The following CYTH3 variants were observed in gnomAD, a reference collection of about 807,000 sequenced individuals.
The protein encoded by CYTH3 is cytohesin 3, also known as cytohesin-3.
In CYTH3, 23 loss-of-function variants were observed where a neutral mutation model predicts 55.1. The observed-to-expected ratio is 0.42, with a 90% CI of 0.30 to 0.59. CYTH3 has a LOEUF of 0.59. Ranked by LOEUF, CYTH3 falls within the 20% of genes least tolerant of loss-of-function variation. CYTH3 has a pLI of 0.20. For synonymous variants in CYTH3, 249 were observed against 194.9 expected (o/e 1.28, Z -2.31); for missense variants, 413 against 524.8 (o/e 0.79, Z 2.08).
At chr7:6,185,938 G>T (rs1304749567) in intron 4 of CYTH3, among the ~76,000 whole-genome samples, 1 of 151,750 alleles carries the variant, frequency 6.6e-6, no homozygotes, top group African/African-American at 2.4e-5. Context: ...AAAGCAAGGG[G>T]AACGTTAGAA....
intron 1 of CYTH3, among the ~76,000 whole-genome samples, chr7:6,201,878 G>A (rs1338965124): frequency 6.6e-6 from 1 of 151,946 alleles, no homozygotes; most frequent in Admixed American, 6.6e-5. Context: ...ATTAAAACTG[G>A]AATGAGAAAA....
chr7:6,207,992 G>A (rs1229128219), intron 1 of CYTH3, among the ~76,000 whole-genome samples: 29 of 152,142 alleles, frequency 1.9e-4, no homozygotes, highest in Non-Finnish European at 1.5e-5. Context: ...TAAAAAAAAC[G>A]ATTAATAACT....
At chr7:6,183,642 G>C (rs1783560310) in intron 4 of CYTH3, among the ~76,000 whole-genome samples, 1 of 152,176 alleles carries the variant, frequency 6.6e-6, no homozygotes, top group East Asian at 1.9e-4. Context: ...TAGTGTTACA[G>C]GTTTAATAGG....
chr7:6,244,372 T>C (rs1779752615), intron 1 of CYTH3, among the ~76,000 whole-genome samples: 1 of 152,282 alleles, frequency 6.6e-6, no homozygotes, highest in Non-Finnish European at 1.5e-5. Flanking sequence ...TAATTGCTTT[T>C]AGAATGCTTT....
At chr7:6,245,663 G>C (rs551609166) in intron 1 of CYTH3, among the ~76,000 whole-genome samples, 1 of 152,218 alleles carries the variant, frequency 6.6e-6, no homozygotes, top group Admixed American at 6.5e-5. Context: ...CCAGCACTTC[G>C]GGAGGCCGAG....
Position 6,170,784 on chromosome 7 carries a change from C to G in CYTH3, c.711+46G>C. The G allele has an allele frequency of 6.3e-7, 1 of 1,589,098 alleles. No homozygotes were observed. Among genetic ancestry groups the G allele is most frequent in the Non-Finnish European group, 8.6e-7 (1 of 1,167,406 alleles). On this transcript the variant is annotated intron_variant, in intron 8 of 12. Coordinates refer to ENST00000350796, the MANE Select transcript of CYTH3 (RefSeq NM_004227.4). The surrounding 1 kb of genome is among the most constrained non-coding windows in gnomAD (Gnocchi z 7.8). ...CCGCGGGCGCTGCGGCCGCTCACAGCGAAGAGATCCTGCAGACGGCAGCGG... is the reference window on the plus strand; with the variant it reads ...CCGCGGGCGCTGCGGCCGCTCACAGGGAAGAGATCCTGCAGACGGCAGCGG...
intron 1 of CYTH3, among the ~76,000 whole-genome samples, chr7:6,262,052 A>G (rs891615586): frequency 2.6e-5 from 4 of 152,232 alleles, no homozygotes; most frequent in Admixed American, 6.5e-5. Flanking sequence ...ACAATAATGG[A>G]AATTAGGAAC....
intron 1 of CYTH3, among the ~76,000 whole-genome samples, chr7:6,236,773 G>A (rs1045636262): frequency 8.6e-5 from 13 of 152,004 alleles, no homozygotes; most frequent in Non-Finnish European, 1.3e-4. Context: ...ATGTTGGCTA[G>A]GCTGGTCTTG....
chr7:6,179,714 C>A (rs1219010223), intron 4 of CYTH3, among the ~76,000 whole-genome samples: 1 of 103,362 alleles, frequency 9.7e-6, no homozygotes, highest in African/African-American at 4.2e-5. Flanking sequence ...CACACACACC[C>A]CACACACCAC....
intron 1 of CYTH3, among the ~76,000 whole-genome samples, chr7:6,235,108 C>T (rs1035924986): frequency 6.6e-6 from 1 of 152,198 alleles, no homozygotes; most frequent in African/African-American, 2.4e-5. Context: ...TTCCTCCTCA[C>T]AGAATGCCTG....
At chr7:6,175,176 C>G (rs180978555) in intron 5 of CYTH3, among the ~76,000 whole-genome samples, 15 of 152,060 alleles carry the variant, frequency 9.9e-5, no homozygotes, top group African/African-American at 3.6e-4. Context: ...ACTATGTTAC[C>G]CAGGATGGCC....
rs60634853 is a variant in CYTH3, at chr7:6,184,049, C to CTTTTTTTTTTTTTTTTTTT, written c.249+2982_249+3000dup. On this transcript the variant is annotated intron_variant, in intron 4 of 12. Coordinates refer to ENST00000350796, the MANE Select transcript of CYTH3 (RefSeq NM_004227.4). ...CATTGTTTACGCACCCCCTCTGTGG[C>CTTTTTTTTTTTTTTTTTTT]TTTTTTTTTTTTTTTTTTTTTTTTT... Among the ~76,000 whole-genome samples the CTTTTTTTTTTTTTTTTTTT allele has an allele frequency of 8.6e-5, 4 of 46,376 alleles. 2 individuals are homozygous for CTTTTTTTTTTTTTTTTTTT. Among genetic ancestry groups the CTTTTTTTTTTTTTTTTTTT allele is most frequent in the Non-Finnish European group, 7.7e-5 (2 of 25,914 alleles). 30.4% of individuals were successfully genotyped at this position (46,376 alleles called of 152,430 possible).
chr7:6,264,987 A>G (rs1270171140), intron 1 of CYTH3, among the ~76,000 whole-genome samples: 1 of 152,222 alleles, frequency 6.6e-6, no homozygotes, highest in Non-Finnish European at 1.5e-5. Context: ...TGATAAGGAA[A>G]CATTTGAGCA....
chr7:6,162,178 A>G lies in CYTH3; in HGVS notation c.*2766T>C, dbSNP rs1448551409. On this transcript the variant is annotated 3_prime_UTR_variant, in exon 13 of 13. Coordinates refer to ENST00000350796, the MANE Select transcript of CYTH3 (RefSeq NM_004227.4). ...CCTATTTTCAGTTTGGTACCACATTAAACTGCCCCAAAATGTTCTGTGACC... is the reference window on the plus strand; with the variant it reads ...CCTATTTTCAGTTTGGTACCACATTGAACTGCCCCAAAATGTTCTGTGACC... 6.6e-6 allele frequency: 1 copy of G among 152,558 alleles called. No homozygotes were observed. The highest frequency in any genetic ancestry group is 6.5e-5 in the Admixed American group (1 of 15,280). The allele number at this position is 152,558 out of a possible 1,614,324, so 9.5% of individuals were successfully genotyped here.
At chr7:6,265,919 A>G (rs1002947735) in intron 1 of CYTH3, among the ~76,000 whole-genome samples, 26 of 152,166 alleles carry the variant, frequency 1.7e-4, no homozygotes, top group African/African-American at 6.0e-4. Flanking sequence ...GAGACTTACC[A>G]GTAATGCTTT....
chr7:6,224,184 A>G (rs1298126650), intron 1 of CYTH3, among the ~76,000 whole-genome samples: 4 of 152,164 alleles, frequency 2.6e-5, no homozygotes, highest in Non-Finnish European at 5.9e-5. Context: ...TGCCTGGTTA[A>G]TTCTGCTTCT....
At chr7:6,240,135 G>C (rs540070278) in intron 1 of CYTH3, among the ~76,000 whole-genome samples, 6 of 151,992 alleles carry the variant, frequency 3.9e-5, no homozygotes, top group African/African-American at 7.2e-5. Context: ...GTGAAACCTC[G>C]TCTCTACTAA....
chr7:6,195,471 T>C (rs1014294167), intron 1 of CYTH3, among the ~76,000 whole-genome samples: 22 of 152,208 alleles, frequency 1.4e-4, no homozygotes, highest in Admixed American at 1.1e-3. Context: ...TTTTATTTTT[T>C]TGAGACGGCG....
intron 1 of CYTH3, among the ~76,000 whole-genome samples, chr7:6,211,743 A>T (rs1024236054): frequency 1.3e-5 from 2 of 152,150 alleles, no homozygotes; most frequent in Non-Finnish European, 2.9e-5. Flanking sequence ...CATGCCTGTA[A>T]TCCTAGCACT....
Sources: gnomAD v4.1 joint callset for allele counts (sites outside exome capture counted in the v4.1 genomes callset) on GRCh38, gnomAD v4.1.1 for gene constraint, Gnocchi (gnomAD v3.1) non-coding constraint, MANE v1.5 for transcripts, NCBI Gene and HGNC (gene_info 2026-07-23, HGNC 2026-07-21) for gene names.